RANBP3: variants seen among roughly 807,000 people sequenced by gnomAD.
RANBP3 encodes the protein ran-binding protein 3.
A neutral mutation model predicts 77.3 loss-of-function variants in RANBP3; 14 were observed. That is an observed-to-expected ratio of 0.18 (90% CI 0.12 to 0.28). The LOEUF (loss-of-function observed/expected upper bound fraction) is 0.28, where lower values mean the gene tolerates loss of function less well. Among genes scored for constraint, RANBP3 ranks in the 10% least tolerant of loss-of-function variants. The pLI is 1.00. For missense variants in RANBP3, 586 were observed against 752.3 expected, an observed-to-expected ratio of 0.78 and a Z score of 2.59; for synonymous variants, 315 against 312.4, an observed-to-expected ratio of 1.01 and a Z score of -0.09.
At position 5,957,988 on chromosome 19, in the gene RANBP3, A is replaced by G. The variant is rs1234305616; in HGVS notation, c.23-15T>C. 3 of 1,614,182 alleles carry G rather than the reference A, an allele frequency of 1.9e-6. No individual in the cohort carries two copies. In the African/African-American group the frequency reaches 4.0e-5, roughly 22 times the overall value. ...GGCAGGCTTTTCTGCAAAAAGAAAAATTAGTTTTTTTCCCCCCAACACTAT... is the reference window on the plus strand; with the variant it reads ...GGCAGGCTTTTCTGCAAAAAGAAAAGTTAGTTTTTTTCCCCCCAACACTAT... On this transcript the variant is annotated splice_polypyrimidine_tract_variant and intron_variant, in intron 1 of 16. Transcript: ENST00000340578.
At chr19:5,929,929 T>C (rs2057966120) in intron 8 of RANBP3, among the ~76,000 whole-genome samples, 1 of 151,838 alleles carries the variant, frequency 6.6e-6, no homozygotes, top group Non-Finnish European at 1.5e-5. Flanking sequence ...CATCACAACT[T>C]CTGAGCTCAA....
rs41276874 is a variant in RANBP3 at position 5,932,884 on chromosome 19, C to T, written c.473-340G>A. ...GGCAGCTACCTGGAGGCTCAGGACT[C>T]GGTGTGGGGTCACGTACAGGCACAT... On this transcript the variant is annotated intron_variant, in intron 6 of 16. Coordinates refer to ENST00000340578, the MANE Select transcript of RANBP3 (RefSeq NM_007322.3). 1,499 of 359,914 alleles carry T rather than the reference C, an allele frequency of 4.2e-3. 12 individuals are homozygous for T. The highest frequency in any genetic ancestry group is 4.9e-3 in the Non-Finnish European group (952 of 195,696). The allele number at this position is 359,914 out of a possible 1,614,324, so 22.3% of individuals were successfully genotyped here.
chr19:5,945,855 CG>C lies in RANBP3; in HGVS notation c.283-4021del, dbSNP rs148330218. Among the ~76,000 whole-genome samples the C allele has an allele frequency of 0.011, 1,636 of 152,086 alleles. 77 individuals carry two copies. The East Asian group carries it at 0.15, about 14-fold the overall frequency. On this transcript the variant is annotated intron_variant, in intron 3 of 16. Transcript: ENST00000340578. The stretch of plus-strand genomic sequence containing the variant: ...CTACTCGTGGCTCTAGAAGCAGCCC[CG>C]GGAACACTGTGGTGCCCCCAGGCAT...
At chr19:5,929,277 G>GT (rs1486681117) in intron 8 of RANBP3, among the ~76,000 whole-genome samples, 5 of 152,242 alleles carry the variant, frequency 3.3e-5, no homozygotes, top group Non-Finnish European at 7.3e-5. Flanking sequence ...AACACACAAC[G>GT]TGTTTGGCGA....
Position 5,931,352 on chromosome 19 carries a change from C to T in RANBP3, c.693+52G>A, listed in dbSNP as rs954719714. The T allele has an allele frequency of 1.0e-4, 162 of 1,557,054 alleles. 1 individual carries two copies. The highest frequency in any genetic ancestry group is 3.6e-4 in the South Asian group (31 of 85,450). ...CAGCATGCTGGGAAGGCTGCCCTCC[C>T]GCTCCCAAGGGGCCTAGCATGCAGC... On this transcript the variant is annotated intron_variant, in intron 8 of 16. Coordinates refer to ENST00000340578, the MANE Select transcript of RANBP3 (RefSeq NM_007322.3).
chr19:5,969,511 C>G (rs2058506167), intron 1 of RANBP3, among the ~76,000 whole-genome samples: 1 of 152,266 alleles, frequency 6.6e-6, no homozygotes, highest in African/African-American at 2.4e-5. Flanking sequence ...GTAACTACTA[C>G]TGTCTCTAGA....
intron 5 of RANBP3, chr19:5,934,425 G>A (rs531327700): frequency 8.5e-5 from 13 of 152,230 alleles, no homozygotes; most frequent in Non-Finnish European, 1.9e-4. Context: ...AATCGATTGT[G>A]TTTCTAACAC....
At chr19:5,930,360 G>T (rs1568453182) in intron 8 of RANBP3, among the ~76,000 whole-genome samples, 1 of 152,232 alleles carries the variant, frequency 6.6e-6, no homozygotes, top group Non-Finnish European at 1.5e-5. Context: ...GTATAAAACT[G>T]CAGGCCATGG....
chr19:5,923,622 A>G (rs1191801928), intron 12 of RANBP3, among the ~76,000 whole-genome samples, 190 bp downstream of exon 12: 1 of 152,214 alleles, frequency 6.6e-6, no homozygotes, highest in Non-Finnish European at 1.5e-5. Context: ...ACAAGGCGAC[A>G]CAGGCCCTCG....
Position 5,937,284 on chromosome 19 carries a change from A to T in RANBP3, c.407-3805T>A, listed in dbSNP as rs1365109127. On this transcript the variant is annotated intron_variant, in intron 5 of 16. Transcript: ENST00000340578. Reference sequence around the variant, plus strand: ...GCAGACAGCACCCTGATCGAGGAGCACGGCCACCCCGTGCTGGTAAGGGGA... The same window carrying T: ...GCAGACAGCACCCTGATCGAGGAGCTCGGCCACCCCGTGCTGGTAAGGGGA... 1.3e-5 allele frequency among the ~76,000 whole-genome samples: 2 copies of T among 152,048 alleles called. 1 individual carries two copies. The highest frequency in any genetic ancestry group is 2.9e-5 in the Non-Finnish European group (2 of 68,010).
intron 1 of RANBP3, among the ~76,000 whole-genome samples, chr19:5,970,515 C>A (rs558432267): frequency 6.6e-6 from 1 of 152,060 alleles, no homozygotes; most frequent in Non-Finnish European, 1.5e-5. Context: ...TGTCTGGAGA[C>A]CTTTTATCTT....
At position 5,952,054 on chromosome 19, in the gene RANBP3, A is replaced by C. The variant is rs934145601; in HGVS notation, c.79-458T>G. Among the ~76,000 whole-genome samples, 6 of 152,122 alleles carry C rather than the reference A, an allele frequency of 3.9e-5. No homozygotes were observed. The highest frequency in any genetic ancestry group is 1.2e-4 in the African/African-American group (5 of 41,416). ...TGGCTGGAACCCCAAAGTTAGGGAG[A>C]AACCAGGGAGGCCAGGGTCAAGGGC... On this transcript the variant is annotated intron_variant, in intron 2 of 16. Coordinates refer to ENST00000340578, the MANE Select transcript of RANBP3 (RefSeq NM_007322.3). This position sits in a 1 kb window ranked among gnomAD's most constrained non-coding sequence, Gnocchi z 4.1.
intron 3 of RANBP3, among the ~76,000 whole-genome samples, chr19:5,943,812 CAGTGGGTTCTATT>C (rs2058169225): frequency 6.6e-6 from 1 of 152,208 alleles, no homozygotes. Flanking sequence ...TGTAACACAA[CAGTGGGTTCTATT>C]AGTCACTGGG....
At chr19:5,933,357 A>G in intron 6 of RANBP3, 57 bp downstream of exon 6, 1 of 1,448,134 alleles carries the variant, frequency 6.9e-7, no homozygotes, top group South Asian at 1.2e-5. Flanking sequence ...GTGGCCTAGC[A>G]GAGGTCTGAA....
At chr19:5,962,386 C>T (rs1434821574) in intron 1 of RANBP3, among the ~76,000 whole-genome samples, 1 of 152,174 alleles carries the variant, frequency 6.6e-6, no homozygotes, top group African/African-American at 2.4e-5. Context: ...GTGACAGCAT[C>T]TACCCCTAGA....
At chr19:5,966,256 T>C (rs2058466565) in intron 1 of RANBP3, among the ~76,000 whole-genome samples, 1 of 152,210 alleles carries the variant, frequency 6.6e-6, no homozygotes, top group Non-Finnish European at 1.5e-5. Flanking sequence ...GGGCTAGTCA[T>C]GAGTTCCGGG....
At chr19:5,922,330 G>A (rs2057832653) in intron 13 of RANBP3, among the ~76,000 whole-genome samples, 1 of 152,190 alleles carries the variant, frequency 6.6e-6, no homozygotes, top group Non-Finnish European at 1.5e-5. Flanking sequence ...ATGAACAGAT[G>A]ACAAAGTGGT....
intron 2 of RANBP3, 101 bp downstream of exon 2, chr19:5,957,817 G>C: frequency 7.9e-7 from 1 of 1,270,950 alleles, no homozygotes. Context: ...CCCGTCTGTG[G>C]GCAGAAGTGG....
At chr19:5,967,830 G>T (rs2058485519) in intron 1 of RANBP3, among the ~76,000 whole-genome samples, 1 of 152,140 alleles carries the variant, frequency 6.6e-6, no homozygotes, top group Non-Finnish European at 1.5e-5. Context: ...AGACCAGCCT[G>T]GGCAACATGG....
Sources: gnomAD v4.1 joint callset for allele counts (sites outside exome capture counted in the v4.1 genomes callset) on GRCh38, gnomAD v4.1.1 for gene constraint, Gnocchi (gnomAD v3.1) non-coding constraint, MANE v1.5 for transcripts, NCBI Gene and HGNC (gene_info 2026-07-23, HGNC 2026-07-21) for gene names.